GPATCH8: variants seen among roughly 807,000 people sequenced by gnomAD.
GPATCH8 encodes the protein G patch domain-containing protein 8.
In GPATCH8, 18 loss-of-function variants were observed where a neutral mutation model predicts 118.3. That is an observed-to-expected ratio of 0.15 (90% CI 0.11 to 0.23). The LOEUF (loss-of-function observed/expected upper bound fraction) is 0.23, where lower values mean the gene tolerates loss of function less well. Ranked by LOEUF, GPATCH8 falls within the 10% of genes least tolerant of loss-of-function variation. GPATCH8 has a pLI of 1.00. For missense variants in GPATCH8, 1,631 were observed against 1,873.8 expected (o/e 0.87, Z 2.39); for synonymous variants, 659 against 684.7 (o/e 0.96, Z 0.59).
At position 44,400,083 on chromosome 17, in the gene GPATCH8, T is replaced by C. The variant is rs763788711; in HGVS notation, c.1994A>G (p.Lys665Arg). 1 of 1,614,064 alleles carries C rather than the reference T, an allele frequency of 6.2e-7. No homozygotes were observed. Among genetic ancestry groups the C allele is most frequent in the Non-Finnish European group, 8.5e-7 (1 of 1,180,028 alleles). The change falls in exon 8 of 8, where the codon AAG becomes AGG. Residue 665 changes from lysine (K) to arginine (R), a missense_variant. This residue lies in a region of GPATCH8 where 922 missense variants were observed against 879.7 expected (regional missense o/e 1.05). Transcript: ENST00000591680. ...GTGGGACTTCCCAGATCGTTCTTTC[T>C]TGCTGGGAAGGCTTCTCCCTGTGTC... ...TEDTGRSLPS[K>R]KERSGKSHRH... is the part of the protein sequence containing the mutation.
intron 2 of GPATCH8, among the ~76,000 whole-genome samples, chr17:44,468,982 T>C (rs961908089): frequency 5.9e-5 from 9 of 152,220 alleles, no homozygotes; most frequent in Non-Finnish European, 1.2e-4. Context: ...CTGTGCGGCC[T>C]GTTCTTTGGT....
At chr17:44,471,796 G>A (rs568412759) in intron 2 of GPATCH8, among the ~76,000 whole-genome samples, 60 of 150,662 alleles carry the variant, frequency 4.0e-4, no homozygotes, top group Non-Finnish European at 7.2e-4. Context: ...TGGGAGGGAG[G>A]GAACACTACC....
At chr17:44,429,686 A>ACACACACACACACAC (rs371769035) in intron 5 of GPATCH8, among the ~76,000 whole-genome samples, 1 of 147,148 alleles carries the variant, frequency 6.8e-6, no homozygotes, top group Admixed American at 6.7e-5. Flanking sequence ...ACACACACAC[A>ACACACACACACACAC]AAACAACAAA....
At chr17:44,484,352 A>G (rs1968608475) in intron 1 of GPATCH8, among the ~76,000 whole-genome samples, 1 of 152,222 alleles carries the variant, frequency 6.6e-6, no homozygotes, top group South Asian at 2.1e-4. Flanking sequence ...CTCAAAGGTA[A>G]ACACAAAATA....
At chr17:44,453,530 T>TGTGTGTGTGTGTGC (rs1052518435) in intron 3 of GPATCH8, among the ~76,000 whole-genome samples, 22 of 150,562 alleles carry the variant, frequency 1.5e-4, no homozygotes, top group East Asian at 5.8e-4. Context: ...TGTGTGTGTG[T>TGTGTGTGTGTGTGC]GCAGGCGCGC....
intron 1 of GPATCH8, among the ~76,000 whole-genome samples, chr17:44,502,359 GTTTT>G (rs10532706): frequency 1.8e-3 from 264 of 144,062 alleles, no homozygotes; most frequent in African/African-American, 5.0e-3. Context: ...GTAATGCAGT[GTTTT>G]TTTTTTTTTT....
chr17:44,427,314 TTA>T (rs2143935599), intron 5 of GPATCH8, among the ~76,000 whole-genome samples: 1 of 151,900 alleles, frequency 6.6e-6, no homozygotes, highest in South Asian at 2.1e-4. Flanking sequence ...TTTTATAGGC[TTA>T]TGTTTATATA....
At chr17:44,490,206 C>G (rs1457487780) in intron 1 of GPATCH8, among the ~76,000 whole-genome samples, 2 of 151,820 alleles carry the variant, frequency 1.3e-5, no homozygotes, top group Non-Finnish European at 2.9e-5. Context: ...TATTCAAGAG[C>G]CTGAGTGGGG....
intron 3 of GPATCH8, among the ~76,000 whole-genome samples, chr17:44,441,494 C>T (rs1014001183): frequency 6.6e-6 from 1 of 152,044 alleles, no homozygotes; most frequent in Non-Finnish European, 1.5e-5. Flanking sequence ...GAGGCTGAGG[C>T]GGGCAGATCA....
At chr17:44,482,879 G>T (rs976458994) in intron 1 of GPATCH8, among the ~76,000 whole-genome samples, 2 of 149,988 alleles carry the variant, frequency 1.3e-5, no homozygotes, top group Non-Finnish European at 3.0e-5. Context: ...TGTCTAGGCC[G>T]GGCGCGGTGG....
At chr17:44,403,592 A>G (rs1447337729) in intron 7 of GPATCH8, among the ~76,000 whole-genome samples, 2 of 152,204 alleles carry the variant, frequency 1.3e-5, no homozygotes, top group East Asian at 3.8e-4. Context: ...AACTAAACAG[A>G]ATCAGAGACC....
At chr17:44,447,152 T>TA (rs1054571862) in intron 3 of GPATCH8, among the ~76,000 whole-genome samples, 9 of 147,724 alleles carry the variant, frequency 6.1e-5, no homozygotes, top group African/African-American at 2.0e-4. Flanking sequence ...TCATGTTTAA[T>TA]AAAAAAAAAT....
intron 3 of GPATCH8, among the ~76,000 whole-genome samples, chr17:44,453,626 C>T (rs1307599862): frequency 6.6e-6 from 1 of 151,848 alleles, no homozygotes; most frequent in Non-Finnish European, 1.5e-5. Context: ...CATGGCCTCT[C>T]GTGATCCTCC....
At position 44,401,108 on chromosome 17, in the gene GPATCH8, C is replaced by G. The variant is rs371492945; in HGVS notation, c.969G>C (p.Ala323=). Reference sequence around the variant, plus strand: ...TTCCATCTTCAGAGGTCCCTTCCTCCGCATGGTCCTTGAAAACTGATGCTA... The same window carrying G: ...TTCCATCTTCAGAGGTCCCTTCCTCGGCATGGTCCTTGAAAACTGATGCTA... ...ESIASVFKDH[A]EEGTSEDGTK... Residue 323 remains alanine, a synonymous_variant, in exon 8 of 8, where the codon GCG becomes GCC. Transcript: ENST00000591680. The G allele has an allele frequency of 6.2e-6, 10 of 1,614,102 alleles. No homozygotes were observed. The highest frequency in any genetic ancestry group is 8.5e-6 in the Non-Finnish European group (10 of 1,179,948).
chr17:44,485,206 T>C (rs1968680392), intron 1 of GPATCH8, among the ~76,000 whole-genome samples: 1 of 152,052 alleles, frequency 6.6e-6, no homozygotes, highest in Non-Finnish European at 1.5e-5. Flanking sequence ...TGGGCTCAAG[T>C]GATTCTCCCA....
At chr17:44,471,176 A>C (rs1427936543) in intron 2 of GPATCH8, among the ~76,000 whole-genome samples, 1 of 152,228 alleles carries the variant, frequency 6.6e-6, no homozygotes, top group Admixed American at 6.5e-5. Context: ...GGTTGAAGCA[A>C]ATAAGGGAAA....
chr17:44,402,894 A>G (rs1322195279), intron 7 of GPATCH8, among the ~76,000 whole-genome samples: 1 of 152,204 alleles, frequency 6.6e-6, no homozygotes, highest in East Asian at 1.9e-4. Context: ...AGGAGCCTCA[A>G]TAGTTTTAAA....
rs1163329961 is a variant in GPATCH8, at chr17:44,395,567, C to T, written c.*2001G>A. ...GCTGAAAGCAAAGAAAAATGAGTCC[C>T]TTCACTTACACAGATGATTTCATTT... On this transcript the variant is annotated 3_prime_UTR_variant, in exon 8 of 8. Transcript: ENST00000591680. 4.4e-6 allele frequency: 2 copies of T among 454,276 alleles called. No individual in the cohort carries two copies. The highest frequency in any genetic ancestry group is 8.8e-6 in the Non-Finnish European group (2 of 226,800). 28.1% of individuals were successfully genotyped at this position (454,276 alleles called of 1,614,324 possible).
chr17:44,455,865 A>G (rs1284798955), intron 3 of GPATCH8, among the ~76,000 whole-genome samples: 1 of 152,104 alleles, frequency 6.6e-6, no homozygotes, highest in African/African-American at 2.4e-5. Flanking sequence ...CTCCTGCCTC[A>G]GCCTCCCGAG....
Sources: gnomAD v4.1 joint callset for allele counts (sites outside exome capture counted in the v4.1 genomes callset) on GRCh38, gnomAD v4.1.1 for gene constraint, gnomAD v4.1.1 regional missense constraint, MANE v1.5 for transcripts, NCBI Gene and HGNC (gene_info 2026-07-23, HGNC 2026-07-21) for gene names.